The following MPND variants were observed in gnomAD, a reference collection of about 807,000 sequenced individuals.
MPND encodes the protein MPN domain-containing protein.
In MPND, 56 loss-of-function variants were observed where a neutral mutation model predicts 59.2. The observed-to-expected ratio is 0.95, with a 90% CI of 0.76 to 1.18. The LOEUF is 1.18. Ranked by LOEUF, MPND falls within the 50% of genes most tolerant of loss-of-function variation. The pLI is 0.00. For synonymous variants in MPND, 323 were observed against 291.9 expected (o/e 1.11, Z -1.09); for missense variants, 671 against 676.0 (o/e 0.99, Z 0.08).
chr19:4,354,764 TGA>T (rs1336658639), intron 6 of MPND, among the ~76,000 whole-genome samples, 183 bp from the exon 7 acceptor site: 2 of 152,156 alleles, frequency 1.3e-5, no homozygotes, highest in Non-Finnish European at 2.9e-5. Context: ...CCTGAGAGGC[TGA>T]GACAGGAGAA....
At chr19:4,357,481 C>T (rs1195267958) in intron 9 of MPND, 34 bp from the exon 10 acceptor site, 2 of 1,611,392 alleles carry the variant, frequency 1.2e-6, no homozygotes, top group African/African-American at 1.3e-5. Flanking sequence ...AGCCGAGCCT[C>T]CCAGGGCCAA....
intron 10 of MPND, 47 bp downstream of exon 10, chr19:4,357,632 G>T: frequency 6.4e-7 from 1 of 1,562,834 alleles, no homozygotes; most frequent in South Asian, 1.2e-5. Flanking sequence ...GAGCACTGGG[G>T]CATTTGGGTC....
intron 10 of MPND, 26 bp downstream of exon 10, chr19:4,357,611 G>T (rs1599578805): frequency 1.3e-6 from 2 of 1,588,058 alleles, no homozygotes; most frequent in East Asian, 2.3e-5. Flanking sequence ...GGGAGAGCCT[G>T]GGGGGCCCGG....
At position 4,352,949 on chromosome 19, in the gene MPND, A is replaced by G; in HGVS notation, c.584A>G (p.Glu195Gly). The G allele has an allele frequency of 5.0e-6, 7 of 1,406,310 alleles. No homozygotes were observed. The highest frequency in any genetic ancestry group is 1.8e-5 in the South Asian group (1 of 54,750). 87.1% of individuals were successfully genotyped at this position (1,406,310 alleles called of 1,614,324 possible). A position where few individuals can be genotyped will look rare whatever the true frequency, so the allele number is the denominator to read the frequency against. ...GAGTTGCTGATGGAAGAGGAGGAGG[A>G]GGACGTTCTGGCAGGGGTCTCAGCA... ...EEELLMEEEE[E>G]DVLAGVSAED... The change falls in exon 4 of 13, where the codon GAG becomes GGG. Residue 195 changes from glutamate to glycine, a missense_variant. Coordinates refer to ENST00000599840, the MANE Select transcript of MPND (RefSeq NM_001300862.2).
intron 10 of MPND, 84 bp downstream of exon 10, chr19:4,357,669 A>T (rs1972473497): frequency 1.5e-6 from 2 of 1,365,878 alleles, no homozygotes; most frequent in South Asian, 2.6e-5. Context: ...CCCTGGTTCC[A>T]GGCTCCACTG....
intron 2 of MPND, among the ~76,000 whole-genome samples, 163 bp downstream of exon 2, chr19:4,344,157 A>G (rs1388507812): frequency 6.9e-6 from 1 of 143,992 alleles, no homozygotes; most frequent in East Asian, 2.1e-4. Flanking sequence ...GGGGAAACTG[A>G]GGCCCGGGGC....
chr19:4,358,119 G>A lies in MPND; in HGVS notation c.1273G>A (p.Glu425Lys). The A allele has an allele frequency of 6.4e-7, 1 of 1,551,556 alleles. No homozygotes were observed. The change falls in exon 11 of 13, where the codon GAG (glutamate) becomes AAG (lysine). Residue 425 changes from glutamate to lysine, a missense_variant. By Grantham distance (56) the Glu-to-Lys change is moderately conservative. Coordinates refer to ENST00000599840, the MANE Select transcript of MPND (RefSeq NM_001300862.2). The part of the protein sequence containing the change: ...PSDYGIPMDV[E>K]MAYVQDSFLT... Reference sequence around the variant, plus strand: ...TGACTATGGCATCCCCATGGATGTGGAGATGGCCTACGTCCAGGACAGCTT... The same window carrying A: ...TGACTATGGCATCCCCATGGATGTGAAGATGGCCTACGTCCAGGACAGCTT...
intron 3 of MPND, chr19:4,347,235 G>C (rs1019728368): frequency 6.8e-6 from 1 of 148,022 alleles, no homozygotes; most frequent in Non-Finnish European, 1.5e-5. Flanking sequence ...TCTTCTTTTC[G>C]TAGATATGTT....
Position 4,360,033 on chromosome 19 carries a change from C to CT in MPND, c.*33dup. On this transcript the variant is annotated 3_prime_UTR_variant, in exon 13 of 13. Coordinates refer to ENST00000599840, the MANE Select transcript of MPND (RefSeq NM_001300862.2). ...CCAGGGCAGGGTGGGCTCCAGTTGT[C>CT]TTGAGGGTCCGGATGGGCTCAGGTA... The CT allele has an allele frequency of 6.5e-7, 1 of 1,535,426 alleles. No individual in the cohort carries two copies. The highest frequency in any genetic ancestry group is 8.8e-7 in the Non-Finnish European group (1 of 1,133,044).
chr19:4,357,755 CTGGG>C, intron 10 of MPND, 170 bp downstream of exon 10: 1 of 683,152 alleles, frequency 1.5e-6, no homozygotes, highest in Non-Finnish European at 2.5e-6. Context: ...TGGTGAGGTC[CTGGG>C]CGTGGGGCCT....
At chr19:4,357,834 C>T in intron 10 of MPND, 1 of 605,952 alleles carries the variant, frequency 1.7e-6, no homozygotes, top group East Asian at 2.8e-5. Flanking sequence ...GGCTTCATTC[C>T]CCAATCCTGC....
Position 4,357,279 on chromosome 19 carries a change from C to A in MPND, c.1023C>A (p.Gly341=), listed in dbSNP as rs1258328753. The A allele has an allele frequency of 6.2e-7, 1 of 1,610,350 alleles. No homozygotes were observed. Among genetic ancestry groups the A allele is most frequent in the Non-Finnish European group, 8.5e-7 (1 of 1,178,294 alleles). Residue 341 remains glycine (G), a synonymous_variant, in exon 9 of 13, where the codon GGC becomes GGA. Coordinates refer to ENST00000599840, the MANE Select transcript of MPND (RefSeq NM_001300862.2). ...TCTACCAGAGCCTGTTCCTGCGGGG[C>A]CTGTCCCTGGTGGGCTGGTACCACA... ...EEIYQSLFLR[G]LSLVGWYHSH...
Position 4,353,637 on chromosome 19 carries a change from C to T in MPND, c.665-408C>T, listed in dbSNP as rs566223853. Reference sequence around the variant, plus strand: ...AGTACAGTGGTGCAATCATGGCTAACTGCAGCCTCAACCTCCTGGGTTCAA... The same window carrying T: ...AGTACAGTGGTGCAATCATGGCTAATTGCAGCCTCAACCTCCTGGGTTCAA... On this transcript the variant is annotated intron_variant, in intron 4 of 12. Coordinates refer to ENST00000599840, the MANE Select transcript of MPND (RefSeq NM_001300862.2). Among the ~76,000 whole-genome samples the T allele has an allele frequency of 1.2e-3, 178 of 152,248 alleles. 1 individual carries two copies. The highest frequency in any genetic ancestry group is 3.9e-3 in the African/African-American group (163 of 41,536).
chr19:4,345,705 G>A, intron 2 of MPND, 40 bp from the exon 3 acceptor site: 2 of 1,591,598 alleles, frequency 1.3e-6, no homozygotes, highest in Middle Eastern at 1.7e-4. Context: ...GGGCATGGTG[G>A]GTGTTGGTCC....
chr19:4,352,961 C>CG lies in MPND; in HGVS notation c.596_597insG (p.Gly200ArgfsTer77). Reference sequence around the variant, plus strand: ...GAAGAGGAGGAGGAGGACGTTCTGGCAGGGGTCTCAGCAGAGGACAAGAGT... The same window carrying CG: ...GAAGAGGAGGAGGAGGACGTTCTGGCGAGGGGTCTCAGCAGAGGACAAGAGT... On this transcript the variant is annotated frameshift_variant, in exon 4 of 13. Transcript: ENST00000599840. LOFTEE classifies it high-confidence loss of function. 7.1e-7 allele frequency: 1 copy of CG among 1,400,054 alleles called. No homozygotes were observed. The highest frequency in any genetic ancestry group is 1.9e-5 in the South Asian group (1 of 53,614). 86.7% of individuals were successfully genotyped at this position (1,400,054 alleles called of 1,614,324 possible).
At chr19:4,346,179 A>G (rs138358352) in intron 3 of MPND, among the ~76,000 whole-genome samples, 198 bp downstream of exon 3, 11 of 152,244 alleles carry the variant, frequency 7.2e-5, no homozygotes, top group Non-Finnish European at 1.5e-4. Flanking sequence ...GCTTTGAGGG[A>G]TGAGCAGGAG....
At chr19:4,352,596 G>A (rs536619618) in intron 3 of MPND, among the ~76,000 whole-genome samples, 165 of 152,070 alleles carry the variant, frequency 1.1e-3, no homozygotes, top group Non-Finnish European at 2.0e-3. Context: ...AGGCAGGAGA[G>A]TCACTTGAAC....
chr19:4,353,966 G>C, intron 4 of MPND, 79 bp from the exon 5 acceptor site: 1 of 1,232,918 alleles, frequency 8.1e-7, no homozygotes, highest in South Asian at 1.3e-5. Context: ...TTATAGGCAT[G>C]CACCACCACA....
chr19:4,355,047 G>T (rs745478748), intron 7 of MPND, 26 bp downstream of exon 7: 6 of 1,609,596 alleles, frequency 3.7e-6, no homozygotes, highest in African/African-American at 1.3e-5. Context: ...CAGGTGGGCG[G>T]GGGCGTTGGA....
Sources: gnomAD v4.1 joint callset for allele counts (sites outside exome capture counted in the v4.1 genomes callset) on GRCh38, gnomAD v4.1.1 for gene constraint, MANE v1.5 for transcripts, NCBI Gene and HGNC (gene_info 2026-07-23, HGNC 2026-07-21) for gene names.